ACACA: variants seen among roughly 807,000 people sequenced by gnomAD.
ACACA encodes the protein acetyl-CoA carboxylase 1.
ACACA carries 103 observed loss-of-function variants against 296.1 expected under a neutral mutation model. The observed-to-expected ratio is 0.35, with a 90% CI of 0.30 to 0.41. The LOEUF (loss-of-function observed/expected upper bound fraction) is 0.41. ACACA is among the 10% of genes least tolerant of loss of function. The pLI is 1.00. For synonymous variants in ACACA, 953 were observed against 1,038.6 expected (o/e 0.92, Z 1.58); for missense variants, 1,554 against 2,989.7 (o/e 0.52, Z 11.20).
intron 29 of ACACA, among the ~76,000 whole-genome samples, chr17:37,216,263 A>G (rs912624554): frequency 5.6e-4 from 85 of 151,510 alleles, no homozygotes; most frequent in African/African-American, 1.9e-3. Flanking sequence ...AAATCTCTTT[A>G]GCTGCTGTTC....
Position 37,321,771 on chromosome 17 carries a change from T to TA in ACACA, c.338+8401dup, listed in dbSNP as rs199932271. On this transcript the variant is annotated intron_variant, in intron 3 of 55. Coordinates refer to ENST00000616317, the MANE Select transcript of ACACA (RefSeq NM_198834.3). ...TCAAAAAAATAAATAAATAAATAAT[T>TA]AAAAAAAAATACAAATACAAAAATT... is the stretch of plus-strand genomic sequence containing the variant. 2.6e-4 allele frequency among the ~76,000 whole-genome samples: 37 copies of TA among 143,946 alleles called. No individual in the cohort carries two copies. In the East Asian group the frequency reaches 5.3e-3, roughly 21 times the overall value. The allele number at this position is 143,946 out of a possible 152,430, so 94.4% of individuals were successfully genotyped here. A position where few individuals can be genotyped will look rare whatever the true frequency, so the allele number is the denominator to read the frequency against.
In ACACA at chr17:37,243,444, T is replaced by G. The variant is rs771042388; in HGVS notation, c.2858A>C (p.Lys953Thr). The G allele has an allele frequency of 3.1e-6, 5 of 1,614,042 alleles. No individual in the cohort carries two copies. The highest frequency in any genetic ancestry group is 1.3e-5 in the African/African-American group (1 of 74,920). The change falls in exon 22 of 56, where the codon AAG becomes ACG. Residue 953 changes from lysine (K) to threonine (T), a missense_variant. Lys to Thr is a moderately conservative substitution (Grantham distance 78). Around this residue, in one of 16 missense-constraint regions of ACACA, gnomAD observed 316 missense variants for 540.9 expected, o/e 0.58. Coordinates refer to ENST00000616317, the MANE Select transcript of ACACA (RefSeq NM_198834.3). ...VSGRIPPNVEKSIKKEMAQYA... is the reference protein window; with the variant it reads ...VSGRIPPNVETSIKKEMAQYA... ...CTGAGCCATTTCCTTCTTGATAGACTTCTCCACATTGGGGGGAATGCGGCC... is the reference window on the plus strand; with the variant it reads ...CTGAGCCATTTCCTTCTTGATAGACGTCTCCACATTGGGGGGAATGCGGCC...
chr17:37,230,401 A>C (rs1008071578), intron 25 of ACACA, among the ~76,000 whole-genome samples: 1 of 147,816 alleles, frequency 6.8e-6, no homozygotes, highest in African/African-American at 2.6e-5. Flanking sequence ...TAAATAAATA[A>C]ATAAATAAAT....
intron 31 of ACACA, among the ~76,000 whole-genome samples, chr17:37,207,424 G>A (rs1016958928): frequency 5.9e-5 from 9 of 152,122 alleles, no homozygotes; most frequent in Non-Finnish European, 1.0e-4. Flanking sequence ...GTTTTTGTTT[G>A]TTTCTTTTTT....
intron 52 of ACACA, among the ~76,000 whole-genome samples, 187 bp downstream of exon 52, chr17:37,111,344 G>C (rs967098804): frequency 3.3e-5 from 5 of 152,012 alleles, no homozygotes; most frequent in African/African-American, 1.2e-4. Flanking sequence ...TGCTTTTTTA[G>C]GGCTCACTTT....
intron 1 of ACACA, among the ~76,000 whole-genome samples, chr17:37,346,724 G>T (rs866932512): frequency 2.1e-5 from 3 of 140,542 alleles, no homozygotes; most frequent in African/African-American, 2.7e-5. Flanking sequence ...AAAAAAAAAA[G>T]ATTTGATTGC....
At chr17:37,403,204 A>C (rs879509486) in intron 1 of ACACA, among the ~76,000 whole-genome samples, 1 of 152,178 alleles carries the variant, frequency 6.6e-6, no homozygotes, top group Non-Finnish European at 1.5e-5. Context: ...ACACAGATCC[A>C]AAACAGAACT....
At chr17:37,229,516 G>A (rs1351680455) in intron 25 of ACACA, among the ~76,000 whole-genome samples, 1 of 151,768 alleles carries the variant, frequency 6.6e-6, no homozygotes, top group East Asian at 2.0e-4. Context: ...TGTTAACCAG[G>A]ATGGTATCGA....
intron 3 of ACACA, among the ~76,000 whole-genome samples, chr17:37,292,842 C>A (rs2083137136): frequency 6.6e-6 from 1 of 152,100 alleles, no homozygotes; most frequent in Non-Finnish European, 1.5e-5. Flanking sequence ...CCAGCCTAGG[C>A]AACAGAGCAA....
At chr17:37,158,598 C>A (rs901305128) in intron 42 of ACACA, among the ~76,000 whole-genome samples, 21 of 152,056 alleles carry the variant, frequency 1.4e-4, no homozygotes, top group Non-Finnish European at 1.5e-5. Flanking sequence ...CCACTGCACA[C>A]CAGCCTGGGC....
At chr17:37,152,821 T>G (rs2076097013) in intron 43 of ACACA, among the ~76,000 whole-genome samples, 1 of 152,216 alleles carries the variant, frequency 6.6e-6, no homozygotes, top group Non-Finnish European at 1.5e-5. Context: ...AAGTACCCCA[T>G]AGTGGCTCTT....
intron 2 of ACACA, among the ~76,000 whole-genome samples, chr17:37,333,454 A>G (rs948810050): frequency 2.0e-5 from 3 of 152,158 alleles, no homozygotes; most frequent in Non-Finnish European, 4.4e-5. Context: ...AAGGACACCT[A>G]GTATGGGGTA....
intron 28 of ACACA, chr17:37,222,168 T>C (rs981392184): frequency 2.7e-6 from 1 of 369,692 alleles, no homozygotes; most frequent in Non-Finnish European, 5.1e-6. Flanking sequence ...CAACTATTAA[T>C]CTATTAAGCA....
Position 37,225,115 on chromosome 17 carries a change from G to A in ACACA, c.3361-10C>T, listed in dbSNP as rs1172002196. 2 of 1,498,376 alleles carry A rather than the reference G, an allele frequency of 1.3e-6. No homozygotes were observed. Among genetic ancestry groups the A allele is most frequent in the Non-Finnish European group, 1.9e-6 (2 of 1,075,012 alleles). 92.8% of individuals were successfully genotyped at this position (1,498,376 alleles called of 1,614,324 possible). A position where few individuals can be genotyped will look rare whatever the true frequency, so the allele number is the denominator to read the frequency against. On this transcript the variant is annotated splice_polypyrimidine_tract_variant and intron_variant, in intron 26 of 55. Transcript: ENST00000616317. ...GGGAGGCAATAAGAACCTAGAGTGA[G>A]AACAAAATAGGAGGCACACATTCCT... is the stretch of plus-strand genomic sequence containing the variant.
At position 37,192,307 on chromosome 17, in the gene ACACA, T is replaced by C; in HGVS notation, c.4201-2A>G. ...ACGATAGATACGATCCTCCTCAAAC[T>C]GAGTACAAGAATCAGAGAAAAAACA... On this transcript the variant is annotated splice_acceptor_variant, in intron 36 of 55. Transcript: ENST00000616317. LOFTEE classifies it high-confidence loss of function. 6.2e-7 allele frequency: 1 copy of C among 1,613,490 alleles called. No homozygotes were observed. The highest frequency in any genetic ancestry group is 8.5e-7 in the Non-Finnish European group (1 of 1,179,882).
At chr17:37,397,228 A>G (rs534323581) in intron 1 of ACACA, among the ~76,000 whole-genome samples, 1 of 152,198 alleles carries the variant, frequency 6.6e-6, no homozygotes, top group South Asian at 2.1e-4. Context: ...ATCCTTTCTT[A>G]TGGCTGCATA....
At chr17:37,391,470 A>T (rs905748522) in intron 1 of ACACA, among the ~76,000 whole-genome samples, 8 of 152,182 alleles carry the variant, frequency 5.3e-5, no homozygotes, top group African/African-American at 1.9e-4. Context: ...ATTGGTTCTC[A>T]TACCTATGTG....
chr17:37,398,483 T>G (rs1418634260), intron 1 of ACACA, among the ~76,000 whole-genome samples: 1 of 141,024 alleles, frequency 7.1e-6, no homozygotes, highest in Non-Finnish European at 1.5e-5. Context: ...ATGTGGTTTC[T>G]CCATATTGGT....
chr17:37,167,121 T>TG (rs2076700079), intron 41 of ACACA, among the ~76,000 whole-genome samples: 1 of 144,190 alleles, frequency 6.9e-6, no homozygotes, highest in South Asian at 2.2e-4. Flanking sequence ...ATTTTTGCAT[T>TG]TTTTTTTTTT....
Sources: gnomAD v4.1 joint callset for allele counts (sites outside exome capture counted in the v4.1 genomes callset) on GRCh38, gnomAD v4.1.1 for gene constraint, gnomAD v4.1.1 regional missense constraint, MANE v1.5 for transcripts, NCBI Gene and HGNC (gene_info 2026-07-23, HGNC 2026-07-21) for gene names.